The following PARD3B variants were observed in gnomAD, a reference collection of about 807,000 sequenced individuals.
The protein encoded by PARD3B is partitioning defective 3 homolog B.
Under a neutral mutation model 130.2 loss-of-function variants are expected in PARD3B, and 103 were observed. That is an observed-to-expected ratio of 0.79 (90% CI 0.67 to 0.93). PARD3B has a LOEUF of 0.93. PARD3B is among the 40% of genes least tolerant of loss of function. PARD3B has a pLI of 0.00. For synonymous variants in PARD3B, 583 were observed against 553.2 expected (o/e 1.05, Z -0.76); for missense variants, 1,609 against 1,499.2 (o/e 1.07, Z -1.21).
chr2:205,478,628 GC>G (rs59353686), intron 20 of PARD3B, among the ~76,000 whole-genome samples: 5,717 of 152,262 alleles, frequency 0.038, 362 homozygotes, highest in African/African-American at 0.13. Flanking sequence ...TCGGCAGAGT[GC>G]TAGAAAGCGA....
In PARD3B at chr2:205,590,409, A is replaced by G. The variant is rs2054344102; in HGVS notation, c.3261-25047A>G. 6.6e-6 allele frequency among the ~76,000 whole-genome samples: 1 copy of G among 152,174 alleles called. No individual in the cohort carries two copies. The highest frequency in any genetic ancestry group is 2.4e-5 in the African/African-American group (1 of 41,432). ...CCTCTTCTCAGCTACTCCACAAAAG[A>G]GGGATCCTCTCATTTTAACATTTTC... On this transcript the variant is annotated intron_variant, in intron 22 of 22. Coordinates refer to ENST00000406610, the MANE Select transcript of PARD3B (RefSeq NM_001302769.2). The surrounding 1 kb of genome is among the most constrained non-coding windows in gnomAD (Gnocchi z 4.1).
At chr2:204,864,934 A>G (rs1575163407) in intron 2 of PARD3B, among the ~76,000 whole-genome samples, 1 of 152,310 alleles carries the variant, frequency 6.6e-6, no homozygotes, top group South Asian at 2.1e-4. Flanking sequence ...CAGCAAGAAC[A>G]AAACAATCCC....
At position 205,258,127 on chromosome 2, in the gene PARD3B, C is replaced by T. The variant is rs1386281633; in HGVS notation, c.2185+12305C>T. Among the ~76,000 whole-genome samples the T allele has an allele frequency of 6.6e-6, 1 of 152,176 alleles. No individual in the cohort carries two copies. The highest frequency in any genetic ancestry group is 1.5e-5 in the Non-Finnish European group (1 of 68,028). On this transcript the variant is annotated intron_variant, in intron 16 of 22. Transcript: ENST00000406610. The surrounding 1 kb of genome is among the most constrained non-coding windows in gnomAD (Gnocchi z 4.9). ...ACATAACAGATGCAATGGTACACTT[C>T]CATGTGGGCCTGGAAAGCCTTACCA...
chr2:205,095,563 A>G (rs956153867), intron 4 of PARD3B, among the ~76,000 whole-genome samples: 2 of 152,142 alleles, frequency 1.3e-5, no homozygotes, highest in African/African-American at 4.8e-5. Context: ...TGATCTTGCC[A>G]TCAGTAGTTA....
intron 2 of PARD3B, among the ~76,000 whole-genome samples, chr2:204,770,466 A>G (rs1193520119): frequency 6.6e-6 from 1 of 150,746 alleles, no homozygotes; most frequent in Admixed American, 6.6e-5. Flanking sequence ...GTGCTGAAAA[A>G]AATGTATATT....
intron 14 of PARD3B, among the ~76,000 whole-genome samples, chr2:205,188,176 AGG>A (rs1411966519): frequency 6.6e-6 from 1 of 152,228 alleles, no homozygotes; most frequent in Non-Finnish European, 1.5e-5. Context: ...AAGTTTTCAC[AGG>A]AGAGCAGTGT....
intron 2 of PARD3B, among the ~76,000 whole-genome samples, chr2:204,726,853 C>T (rs2039253421): frequency 6.6e-6 from 1 of 152,168 alleles, no homozygotes; most frequent in Admixed American, 6.5e-5. Context: ...AACATGAAGG[C>T]TCTGTTTTCT....
intron 15 of PARD3B, among the ~76,000 whole-genome samples, chr2:205,237,974 C>T (rs1463922491): frequency 6.6e-6 from 1 of 152,178 alleles, no homozygotes; most frequent in Non-Finnish European, 1.5e-5. Flanking sequence ...TGTTTAAATA[C>T]ATTTACACTA....
In PARD3B at chr2:205,146,986, G is replaced by A. The variant is rs573764102; in HGVS notation, c.1435-11736G>A. On this transcript the variant is annotated intron_variant, in intron 10 of 22. Transcript: ENST00000406610. This position sits in a 1 kb window ranked among gnomAD's most constrained non-coding sequence, Gnocchi z 4.3. ...CTGCCTTGGCCTCCCAAAGTCCTGGGATTACAAGCATGAGCCACCGTGCCT... is the reference window on the plus strand; with the variant it reads ...CTGCCTTGGCCTCCCAAAGTCCTGGAATTACAAGCATGAGCCACCGTGCCT... Among the ~76,000 whole-genome samples, 230 of 152,188 alleles carry A rather than the reference G, an allele frequency of 1.5e-3. No individual in the cohort carries two copies. The highest frequency in any genetic ancestry group is 5.4e-3 in the African/African-American group (224 of 41,534).
intron 10 of PARD3B, among the ~76,000 whole-genome samples, chr2:205,139,274 G>A (rs183158401): frequency 2.4e-4 from 36 of 151,962 alleles, no homozygotes; most frequent in African/African-American, 8.0e-4. Flanking sequence ...AAATTGCCTT[G>A]CCTGTACCCA....
chr2:205,250,992 G>T (rs1010596379), intron 16 of PARD3B, among the ~76,000 whole-genome samples: 1 of 152,168 alleles, frequency 6.6e-6, no homozygotes, highest in Non-Finnish European at 1.5e-5. Flanking sequence ...TTTGGGGTAA[G>T]GATATGAACC....
rs2035893568 is a variant in PARD3B, at chr2:205,183,259, T to C, written c.1925-2505T>C. On this transcript the variant is annotated intron_variant, in intron 13 of 22. Transcript: ENST00000406610. This position sits in a 1 kb window ranked among gnomAD's most constrained non-coding sequence, Gnocchi z 5.2. The stretch of plus-strand genomic sequence containing the variant: ...TGGGAGATAAAGTTGTTTGCCAGGA[T>C]CATAGACCTTTATTCCGTAGGCAAT... Among the ~76,000 whole-genome samples the C allele has an allele frequency of 2.0e-5, 3 of 152,232 alleles. No homozygotes were observed. The highest frequency in any genetic ancestry group is 7.2e-5 in the African/African-American group (3 of 41,554).
intron 1 of PARD3B, among the ~76,000 whole-genome samples, chr2:204,556,220 A>G (rs1045970624): frequency 6.6e-6 from 1 of 152,186 alleles, no homozygotes; most frequent in African/African-American, 2.4e-5. Flanking sequence ...ACCACTCAAC[A>G]ACATGATTGT....
intron 11 of PARD3B, among the ~76,000 whole-genome samples, chr2:205,169,522 A>T (rs190862135): frequency 4.1e-4 from 62 of 152,314 alleles, no homozygotes; most frequent in African/African-American, 1.5e-3. Flanking sequence ...ACGTTGTCTC[A>T]TACTTCACAG....
intron 16 of PARD3B, among the ~76,000 whole-genome samples, chr2:205,254,712 G>A (rs1432129820): frequency 1.3e-5 from 2 of 149,426 alleles, no homozygotes; most frequent in Non-Finnish European, 3.0e-5. Flanking sequence ...CGCCCAGACT[G>A]GAGTGCAGTG....
intron 5 of PARD3B, 115 bp from the exon 6 acceptor site, chr2:205,113,376 A>T: frequency 1.7e-6 from 1 of 591,608 alleles, no homozygotes; most frequent in South Asian, 2.8e-5. Flanking sequence ...GTATTAGTTG[A>T]TATAATCCTG....
At chr2:204,867,040 G>A (rs1453576246) in intron 2 of PARD3B, among the ~76,000 whole-genome samples, 1 of 152,062 alleles carries the variant, frequency 6.6e-6, no homozygotes, top group East Asian at 1.9e-4. Flanking sequence ...CTGCAGTCCA[G>A]CCTGGGCAAT....
At chr2:205,247,892 C>T (rs1574495488) in intron 16 of PARD3B, among the ~76,000 whole-genome samples, 1 of 152,040 alleles carries the variant, frequency 6.6e-6, no homozygotes, top group African/African-American at 2.4e-5. Context: ...AATTTATGTA[C>T]TCTAAGAACA....
intron 2 of PARD3B, among the ~76,000 whole-genome samples, chr2:204,930,973 G>A (rs1250690286): frequency 1.3e-5 from 2 of 152,030 alleles, no homozygotes; most frequent in Non-Finnish European, 2.9e-5. Context: ...GATAATACAG[G>A]CTTTTGCCTT....
Sources: allele counts gnomAD v4.1 joint callset (sites outside exome capture counted in the v4.1 genomes callset), GRCh38; gene constraint gnomAD v4.1.1; non-coding constraint Gnocchi (gnomAD v3.1); transcripts MANE v1.5; gene names NCBI Gene and HGNC (gene_info 2026-07-23, HGNC 2026-07-21).